The following RBFOX1 variants were observed in gnomAD, a reference collection of about 807,000 sequenced individuals.
RBFOX1 encodes RNA binding fox-1 homolog 1, also known as RNA binding protein fox-1 homolog 1.
In RBFOX1, 8 loss-of-function variants were observed where a neutral mutation model predicts 57.7. That is an observed-to-expected ratio of 0.14 (90% CI 0.08 to 0.25). RBFOX1 has a LOEUF of 0.25. RBFOX1 is among the 10% of genes least tolerant of loss of function. The pLI is 1.00. For synonymous variants in RBFOX1, 326 were observed against 222.4 expected (o/e 1.47, Z -4.15); for missense variants, 611 against 548.5 (o/e 1.11, Z -1.14).
At chr16:6,212,089 C>T (rs1266662187) in intron 1 of RBFOX1, among the ~76,000 whole-genome samples, 1 of 151,982 alleles carries the variant, frequency 6.6e-6, no homozygotes, top group Non-Finnish European at 1.5e-5. Context: ...AACTCTTGGC[C>T]TCAAGTGATC....
At chr16:6,735,826 C>G (rs2070089448) in intron 3 of RBFOX1, among the ~76,000 whole-genome samples, 1 of 152,132 alleles carries the variant, frequency 6.6e-6, no homozygotes, top group Non-Finnish European at 1.5e-5. Flanking sequence ...GGAAATGAAT[C>G]CTTGAGGCGG....
intron 2 of RBFOX1, among the ~76,000 whole-genome samples, chr16:5,536,007 T>G (rs2044678840): frequency 6.6e-6 from 1 of 152,264 alleles, no homozygotes; most frequent in Admixed American, 6.5e-5. Context: ...CACCGAAATC[T>G]TTCTCTAGCC....
At position 6,322,160 on chromosome 16, in the gene RBFOX1, C is replaced by G. The variant is rs187938255; in HGVS notation, c.-64+5103C>G. Among the ~76,000 whole-genome samples the G allele has an allele frequency of 1.8e-3, 268 of 152,252 alleles. 1 individual carries two copies. Among genetic ancestry groups the G allele is most frequent in the African/African-American group, 6.2e-3 (256 of 41,544 alleles). On this transcript the variant is annotated intron_variant, in intron 2 of 15. Coordinates refer to ENST00000550418, the MANE Select transcript of RBFOX1 (RefSeq NM_018723.4). ...TCATTCCCTCTGTTGGCATATTGCT[C>G]CAGGGACTTCTTACTTACGTATCTG...
chr16:7,140,157 C>CCTCT (rs57128710), intron 4 of RBFOX1, among the ~76,000 whole-genome samples: 1,628 of 70,778 alleles, frequency 0.023, 48 homozygotes, highest in Middle Eastern at 0.033. Context: ...TCCTTCTCTC[C>CCTCT]CTCTCTCTCT....
chr16:5,388,837 A>T (rs1204181273), intron 1 of RBFOX1, among the ~76,000 whole-genome samples: 1 of 151,592 alleles, frequency 6.6e-6, no homozygotes, highest in African/African-American at 2.4e-5. Flanking sequence ...TCAGCCTCCC[A>T]AAGTGCTGGG....
chr16:6,399,442 C>G (rs9928700), intron 2 of RBFOX1, among the ~76,000 whole-genome samples: 13,373 of 152,230 alleles, frequency 0.088, 1,382 homozygotes, highest in African/African-American at 0.25. Context: ...TGCCACCAGA[C>G]TCTCTGCTAA....
intron 3 of RBFOX1, among the ~76,000 whole-genome samples, chr16:6,947,068 C>A (rs893153807): frequency 6.6e-6 from 1 of 152,172 alleles, no homozygotes; most frequent in African/African-American, 2.4e-5. Context: ...GAGAGAAGGT[C>A]TGTGCTTTCT....
intron 13 of RBFOX1, among the ~76,000 whole-genome samples, chr16:7,667,661 G>C (rs12444388): frequency 0.54 from 81,987 of 151,914 alleles, 22,503 homozygotes; most frequent in East Asian, 0.81. Flanking sequence ...CAGATACCTC[G>C]AATAGATTTA....
chr16:6,210,329 C>CAAAAA (rs1323182069), intron 1 of RBFOX1, among the ~76,000 whole-genome samples: 1 of 16,398 alleles, frequency 6.1e-5, no homozygotes, highest in Non-Finnish European at 1.2e-4. Flanking sequence ...AAAAAAAAAA[C>CAAAAA]AAAAAAACAA....
At chr16:6,353,365 T>A (rs2086726841) in intron 2 of RBFOX1, among the ~76,000 whole-genome samples, 1 of 151,944 alleles carries the variant, frequency 6.6e-6, no homozygotes, top group African/African-American at 2.4e-5. Context: ...TTTTTTGGGA[T>A]GGGTATTAGC....
At chr16:5,342,293 A>G (rs2065049105) in intron 1 of RBFOX1, among the ~76,000 whole-genome samples, 1 of 151,906 alleles carries the variant, frequency 6.6e-6, no homozygotes, top group African/African-American at 2.4e-5. Context: ...AGAAGTTTGA[A>G]CCCATCATTG....
chr16:7,033,922 T>C (rs1336854526), intron 3 of RBFOX1, among the ~76,000 whole-genome samples: 1 of 152,194 alleles, frequency 6.6e-6, no homozygotes, highest in Non-Finnish European at 1.5e-5. Context: ...TGAGCTATGA[T>C]TGCACTGCTG....
At chr16:7,381,124 G>C (rs563047309) in intron 4 of RBFOX1, among the ~76,000 whole-genome samples, 15 of 152,176 alleles carry the variant, frequency 9.9e-5, no homozygotes, top group Non-Finnish European at 1.8e-4. Context: ...CTTCACAGCA[G>C]AGTAAACAGA....
At position 7,397,093 on chromosome 16, in the gene RBFOX1, A is replaced by AT. The variant is rs552944866; in HGVS notation, c.28-121047dup. ...ACTTAGCACATGAAAAATGAAAACTATTTTTTTCAGTGCATGAGTGATCAT... is the reference window on the plus strand; with the variant it reads ...ACTTAGCACATGAAAAATGAAAACTATTTTTTTTCAGTGCATGAGTGATCAT... On this transcript the variant is annotated intron_variant, in intron 4 of 15. Transcript: ENST00000550418. Among the ~76,000 whole-genome samples, 94 of 152,222 alleles carry AT rather than the reference A, an allele frequency of 6.2e-4. No homozygotes were observed. The South Asian group carries it at 0.019, about 31-fold the overall frequency.
intron 1 of RBFOX1, among the ~76,000 whole-genome samples, chr16:6,314,654 C>A (rs919565950): frequency 1.4e-5 from 2 of 146,726 alleles, no homozygotes; most frequent in African/African-American, 4.9e-5. Context: ...GAGGAAGTGA[C>A]AGGAAAGAGG....
At position 7,558,590 on chromosome 16, in the gene RBFOX1, A is replaced by T. The variant is rs2089463066; in HGVS notation, c.271-21187A>T. 2.0e-5 allele frequency among the ~76,000 whole-genome samples: 3 copies of T among 152,170 alleles called. No individual in the cohort carries two copies. In the South Asian group the frequency reaches 6.2e-4, roughly 32 times the overall value. ...TTTAATTATGGGCTTATGTCATTTC[A>T]TTTTTTATTAAAGGTTGTGTTTAAC... On this transcript the variant is annotated intron_variant, in intron 5 of 15. Transcript: ENST00000550418.
At chr16:6,598,701 A>G (rs764377202) in intron 2 of RBFOX1, among the ~76,000 whole-genome samples, 18 of 152,238 alleles carry the variant, frequency 1.2e-4, no homozygotes, top group South Asian at 6.2e-4. Flanking sequence ...TAATCTCAGC[A>G]CTTTGGGTGG....
intron 3 of RBFOX1, among the ~76,000 whole-genome samples, chr16:5,677,270 T>C (rs1166706906): frequency 6.6e-6 from 1 of 152,208 alleles, no homozygotes; most frequent in Non-Finnish European, 1.5e-5. Context: ...CTGCAAAGAA[T>C]ATGTCCTCCT....
At chr16:6,499,597 G>T (rs985877136) in intron 2 of RBFOX1, among the ~76,000 whole-genome samples, 3 of 152,146 alleles carry the variant, frequency 2.0e-5, no homozygotes, top group Non-Finnish European at 4.4e-5. Context: ...ATCTTCTGCA[G>T]TGGGAATGAT....
Sources: allele counts gnomAD v4.1 joint callset (sites outside exome capture counted in the v4.1 genomes callset), GRCh38; gene constraint gnomAD v4.1.1; transcripts MANE v1.5; gene names NCBI Gene and HGNC (gene_info 2026-07-23, HGNC 2026-07-21).